The following ZNF469 variants were observed in gnomAD, a reference collection of about 807,000 sequenced individuals.
The protein encoded by ZNF469 is zinc finger protein 469.
ZNF469 carries 1 observed loss-of-function variant against 1.0 expected under a neutral mutation model. The observed-to-expected ratio is 1.00, with a 90% CI of 0.35 to 4.73. The LOEUF (loss-of-function observed/expected upper bound fraction) is 4.73, where lower values mean the gene tolerates loss of function less well. Among genes scored for constraint, ZNF469 ranks in the 30% most tolerant of loss-of-function variants. The pLI is 0.16. For missense variants in ZNF469, 6,100 were observed against 5,356.3 expected (o/e 1.14, Z -4.33); for synonymous variants, 2,703 against 2,363.4 (o/e 1.14, Z -4.17).
chr16:88,387,306 C>A (rs1336926057), intron 1 of ZNF469, among the ~76,000 whole-genome samples: 1 of 152,230 alleles, frequency 6.6e-6, no homozygotes, highest in East Asian at 1.9e-4. Flanking sequence ...TCCTGTGAGT[C>A]CACGTCACTC....
the ZNF469 span, among the ~76,000 whole-genome samples, chr16:88,309,539 A>G: frequency 3.3e-3 from 468 of 142,686 alleles, 6 homozygotes; most frequent in African/African-American, 0.013. Flanking sequence ...GGTGTTCAGG[A>G]CACCTGATGG....
At chr16:88,255,346 C>T in the ZNF469 span, among the ~76,000 whole-genome samples, 1 of 152,172 alleles carries the variant, frequency 6.6e-6, no homozygotes, top group African/African-American at 2.4e-5. Context: ...TAATTATGTG[C>T]CAGGTATTTT....
the ZNF469 span, among the ~76,000 whole-genome samples, chr16:88,135,142 C>T: frequency 6.6e-6 from 1 of 152,246 alleles, no homozygotes; most frequent in African/African-American, 2.4e-5. Flanking sequence ...GAACAGAAGC[C>T]TATTGGCCTG....
the ZNF469 span, among the ~76,000 whole-genome samples, chr16:88,285,836 A>T: frequency 2.0e-5 from 3 of 152,224 alleles, no homozygotes. Flanking sequence ...AGTGGTGGCA[A>T]ATGCTTTCCA....
chr16:88,413,213 C>G (rs557422404), intron 1 of ZNF469, among the ~76,000 whole-genome samples: 1 of 152,370 alleles, frequency 6.6e-6, no homozygotes. Flanking sequence ...ATCCCGTGTG[C>G]ACGAGAGGCC....
At chr16:88,122,227 G>A in the ZNF469 span, among the ~76,000 whole-genome samples, 12 of 121,536 alleles carry the variant, frequency 9.9e-5, no homozygotes, top group East Asian at 4.3e-4. Context: ...CACTGTGATC[G>A]CAACCTGTCA....
chr16:88,258,603 G>A, the ZNF469 span, among the ~76,000 whole-genome samples: 1 of 152,150 alleles, frequency 6.6e-6, no homozygotes, highest in African/African-American at 2.4e-5. Context: ...CTTTGGGGAC[G>A]CTAAGCATGG....
At chr16:88,360,897 A>G in the ZNF469 span, among the ~76,000 whole-genome samples, 3 of 152,134 alleles carry the variant, frequency 2.0e-5, no homozygotes, top group Non-Finnish European at 4.4e-5. Context: ...TTCATGGAAG[A>G]TAATTTTTTC....
At chr16:88,111,687 A>G in the ZNF469 span, among the ~76,000 whole-genome samples, 1 of 152,084 alleles carries the variant, frequency 6.6e-6, no homozygotes, top group African/African-American at 2.4e-5. Context: ...ACCAGGCTGG[A>G]GTGCAGTGGT....
the ZNF469 span, among the ~76,000 whole-genome samples, chr16:88,370,768 TG>T: frequency 6.6e-6 from 1 of 152,216 alleles, no homozygotes; most frequent in Non-Finnish European, 1.5e-5. Context: ...TGGGTGACCC[TG>T]TGGCTCCTGC....
the ZNF469 span, among the ~76,000 whole-genome samples, chr16:88,354,817 G>A: frequency 6.6e-6 from 1 of 152,208 alleles, no homozygotes; most frequent in African/African-American, 2.4e-5. Context: ...ACCTTGGTCA[G>A]CTTCAAAAGG....
chr16:88,222,796 G>C, the ZNF469 span, among the ~76,000 whole-genome samples: 1 of 151,688 alleles, frequency 6.6e-6, no homozygotes, highest in South Asian at 2.1e-4. Context: ...ACATGCTCTT[G>C]CTATATTGCC....
intron 1 of ZNF469, among the ~76,000 whole-genome samples, chr16:88,383,953 T>C (rs1298987558): frequency 6.6e-6 from 1 of 151,886 alleles, no homozygotes; most frequent in African/African-American, 2.4e-5. Flanking sequence ...GGAAGGCCAA[T>C]GGGGCTCGGG....
At chr16:88,245,580 G>A in the ZNF469 span, among the ~76,000 whole-genome samples, 5 of 152,254 alleles carry the variant, frequency 3.3e-5, no homozygotes, top group Non-Finnish European at 5.9e-5. Flanking sequence ...AGCTTTCCCA[G>A]ATGAGTCACC....
the ZNF469 span, among the ~76,000 whole-genome samples, chr16:88,169,002 T>C: frequency 1.3e-5 from 2 of 152,004 alleles, no homozygotes; most frequent in Admixed American, 6.6e-5. This position sits in a 1 kb window ranked among gnomAD's most constrained non-coding sequence, Gnocchi z 6.1. Context: ...GAGGACGCCA[T>C]CTGGAAGGAT....
chr16:88,140,206 T>TA, the ZNF469 span, among the ~76,000 whole-genome samples: 42 of 151,252 alleles, frequency 2.8e-4, no homozygotes, highest in Non-Finnish European at 3.5e-4. Flanking sequence ...AATATAGTCA[T>TA]AAAAAAAAAC....
chr16:88,311,258 T>G, the ZNF469 span, among the ~76,000 whole-genome samples: 2 of 152,194 alleles, frequency 1.3e-5, no homozygotes, highest in African/African-American at 4.8e-5. Flanking sequence ...GCAGGGGACA[T>G]TGACCTTGGC....
the ZNF469 span, among the ~76,000 whole-genome samples, chr16:88,163,647 TGGA>T: frequency 6.6e-6 from 1 of 150,856 alleles, no homozygotes; most frequent in Middle Eastern, 3.2e-3. Context: ...GATGGATGGA[TGGA>T]TGGATAGTTG....
At chr16:88,290,807 G>A in the ZNF469 span, among the ~76,000 whole-genome samples, 1 of 152,206 alleles carries the variant, frequency 6.6e-6, no homozygotes, top group Non-Finnish European at 1.5e-5. Context: ...CATCTAGGAG[G>A]TGCCCACTTG....
Sources: allele counts gnomAD v4.1 joint callset (sites outside exome capture counted in the v4.1 genomes callset), GRCh38; gene constraint gnomAD v4.1.1; non-coding constraint Gnocchi (gnomAD v3.1); transcripts MANE v1.5; gene names NCBI Gene and HGNC (gene_info 2026-07-23, HGNC 2026-07-21).